PRELID2: variants seen among roughly 807,000 people sequenced by gnomAD.
The protein encoded by PRELID2 is PRELI domain-containing protein 2.
A neutral mutation model predicts 28.4 loss-of-function variants in PRELID2; 25 were observed. The observed-to-expected ratio is 0.88, with a 90% CI of 0.64 to 1.23. The LOEUF (loss-of-function observed/expected upper bound fraction) is 1.23, where lower values mean the gene tolerates loss of function less well. Among genes scored for constraint, PRELID2 ranks in the 50% most tolerant of loss-of-function variants. The pLI is 0.00. For synonymous variants in PRELID2, 76 were observed against 71.6 expected (o/e 1.06, Z -0.31); for missense variants, 201 against 214.4 (o/e 0.94, Z 0.39).
intron 1 of PRELID2, among the ~76,000 whole-genome samples, chr5:145,578,270 T>C (rs1753078443): frequency 6.6e-6 from 1 of 152,076 alleles, no homozygotes; most frequent in South Asian, 2.1e-4. Context: ...AACCACCCAT[T>C]CTACCTCCTA....
intron 6 of PRELID2, among the ~76,000 whole-genome samples, chr5:145,764,402 G>A (rs1581156674): frequency 6.6e-6 from 1 of 152,094 alleles, no homozygotes; most frequent in East Asian, 1.9e-4. Context: ...AACCACCAAG[G>A]CACTCTTACC....
chr5:145,332,686 C>T, the PRELID2 span, among the ~76,000 whole-genome samples: 2 of 150,774 alleles, frequency 1.3e-5, no homozygotes, highest in Non-Finnish European at 3.0e-5. Context: ...TTTAAAGGTT[C>T]TTAGCTTCCT....
chr5:145,528,790 G>A (rs905824865), intron 1 of PRELID2, among the ~76,000 whole-genome samples: 2 of 146,792 alleles, frequency 1.4e-5, no homozygotes, highest in African/African-American at 5.1e-5. Flanking sequence ...AGACCAAAAG[G>A]GAAAATTAAA....
chr5:145,570,396 CTCTA>C (rs533122826), intron 1 of PRELID2, among the ~76,000 whole-genome samples: 133 of 152,118 alleles, frequency 8.7e-4, no homozygotes, highest in African/African-American at 3.0e-3. Context: ...CTCACTTGAA[CTCTA>C]TCTTTGTCCT....
chr5:145,231,703 C>T, the PRELID2 span, among the ~76,000 whole-genome samples: 3 of 152,064 alleles, frequency 2.0e-5, no homozygotes, highest in African/African-American at 7.2e-5. Flanking sequence ...TTACCATCTT[C>T]TTCTCTCTGC....
chr5:145,391,570 T>C, the PRELID2 span, among the ~76,000 whole-genome samples: 1 of 152,114 alleles, frequency 6.6e-6, no homozygotes, highest in African/African-American at 2.4e-5. Context: ...GCTGTGAAGG[T>C]CTCTGACATG....
chr5:145,643,147 A>C (rs1440395944), intron 1 of PRELID2, among the ~76,000 whole-genome samples: 1 of 152,194 alleles, frequency 6.6e-6, no homozygotes, highest in Non-Finnish European at 1.5e-5. Context: ...CCTATACATG[A>C]GCATGGAATG....
At chr5:145,231,254 T>A in the PRELID2 span, among the ~76,000 whole-genome samples, 1 of 152,116 alleles carries the variant, frequency 6.6e-6, no homozygotes, top group South Asian at 2.1e-4. Flanking sequence ...TGACATTATA[T>A]TATTATTTTT....
At chr5:145,659,167 C>T (rs1561535120) in intron 1 of PRELID2, among the ~76,000 whole-genome samples, 1 of 152,166 alleles carries the variant, frequency 6.6e-6, no homozygotes. Flanking sequence ...TGGTGCCCAT[C>T]TCACTCTCCA....
chr5:145,586,010 G>C (rs1049404837), intron 1 of PRELID2, among the ~76,000 whole-genome samples: 1 of 151,252 alleles, frequency 6.6e-6, no homozygotes, highest in African/African-American at 2.4e-5. Context: ...CAGAGATTTC[G>C]AGTCTATTGT....
intron 1 of PRELID2, among the ~76,000 whole-genome samples, chr5:145,625,140 A>G (rs1460530603): frequency 2.0e-5 from 3 of 152,094 alleles, no homozygotes; most frequent in African/African-American, 7.2e-5. Flanking sequence ...TGGTACAACT[A>G]TTTCTGGAAA....
chr5:145,454,163 G>T, the PRELID2 span, among the ~76,000 whole-genome samples: 1 of 152,074 alleles, frequency 6.6e-6, no homozygotes, highest in Admixed American at 6.6e-5. Flanking sequence ...CATTCTAACT[G>T]GTGTGAGATG....
At chr5:145,659,114 G>A (rs1754446047) in intron 1 of PRELID2, among the ~76,000 whole-genome samples, 1 of 152,146 alleles carries the variant, frequency 6.6e-6, no homozygotes, top group South Asian at 2.1e-4. Context: ...CGGATCACAC[G>A]CAAAGTGGTA....
intron 1 of PRELID2, among the ~76,000 whole-genome samples, chr5:145,543,693 G>A (rs1371279269): frequency 6.6e-6 from 1 of 152,044 alleles, no homozygotes; most frequent in Admixed American, 6.6e-5. Context: ...AGAGATTAAT[G>A]AGGGCTTAAG....
chr5:145,297,366 C>A, the PRELID2 span, among the ~76,000 whole-genome samples: 1 of 152,028 alleles, frequency 6.6e-6, no homozygotes, highest in South Asian at 2.1e-4. Context: ...AAGACAAAAA[C>A]CACATGATTA....
chr5:145,578,766 G>GT (rs1753083480), intron 1 of PRELID2, among the ~76,000 whole-genome samples: 1 of 152,104 alleles, frequency 6.6e-6, no homozygotes, highest in Non-Finnish European at 1.5e-5. Flanking sequence ...AGTGCTTACT[G>GT]TATGATGCAC....
chr5:145,273,100 G>T, the PRELID2 span, among the ~76,000 whole-genome samples: 3 of 152,098 alleles, frequency 2.0e-5, no homozygotes, highest in Non-Finnish European at 4.4e-5. Flanking sequence ...TAAAGGGCAA[G>T]GGAAACCACT....
At chr5:145,501,344 C>T (rs1179810007) in intron 1 of PRELID2, among the ~76,000 whole-genome samples, 32 of 152,256 alleles carry the variant, frequency 2.1e-4, no homozygotes, top group Admixed American at 2.0e-3. Context: ...CACAACACCT[C>T]TACTAACTTT....
At chr5:145,664,858 T>C (rs1356643386) in intron 1 of PRELID2, among the ~76,000 whole-genome samples, 1 of 152,058 alleles carries the variant, frequency 6.6e-6, no homozygotes, top group Admixed American at 6.6e-5. Flanking sequence ...GAGATCCATA[T>C]CTCATTTCAC....
Sources: allele counts gnomAD v4.1 joint callset (sites outside exome capture counted in the v4.1 genomes callset), GRCh38; gene constraint gnomAD v4.1.1; transcripts MANE v1.5; gene names NCBI Gene and HGNC (gene_info 2026-07-23, HGNC 2026-07-21).